The following ZEB1 variants were observed in gnomAD, a reference collection of about 807,000 sequenced individuals.
ZEB1 encodes zinc finger E-box binding homeobox 1.
ZEB1 carries 21 observed loss-of-function variants against 84.9 expected under a neutral mutation model. The observed-to-expected ratio is 0.25, with a 90% CI of 0.18 to 0.36. The LOEUF is 0.36. Among genes scored for constraint, ZEB1 ranks in the 10% least tolerant of loss-of-function variants. ZEB1 has a pLI of 1.00. For synonymous variants in ZEB1, 420 were observed against 471.1 expected (o/e 0.89, Z 1.41); for missense variants, 1,104 against 1,330.2 (o/e 0.83, Z 2.65).
chr10:31,354,448 A>G (rs1426142645), intron 1 of ZEB1, among the ~76,000 whole-genome samples: 1 of 152,128 alleles, frequency 6.6e-6, no homozygotes, highest in African/African-American at 2.4e-5. Flanking sequence ...TCTTTTTGGA[A>G]AAATAAAACA....
chr10:31,361,382 G>A (rs531081087), intron 1 of ZEB1, among the ~76,000 whole-genome samples: 1 of 152,242 alleles, frequency 6.6e-6, no homozygotes, highest in Admixed American at 6.5e-5. Context: ...CAGTAGAGAC[G>A]GAGTTTCACC....
chr10:31,411,535 T>A (rs902759289), intron 1 of ZEB1, among the ~76,000 whole-genome samples: 1 of 150,098 alleles, frequency 6.7e-6, no homozygotes, highest in Non-Finnish European at 1.5e-5. Flanking sequence ...GGGAGGCTGA[T>A]GCAGGAGAAT....
chr10:31,505,980 T>C (rs981632749), intron 4 of ZEB1, among the ~76,000 whole-genome samples: 2 of 152,056 alleles, frequency 1.3e-5, no homozygotes, highest in Non-Finnish European at 2.9e-5. Flanking sequence ...TTTAATTTCA[T>C]TTAAAGAAAT....
chr10:31,404,695 G>T (rs1460377164), intron 1 of ZEB1, among the ~76,000 whole-genome samples: 1 of 151,960 alleles, frequency 6.6e-6, no homozygotes, highest in Non-Finnish European at 1.5e-5. Flanking sequence ...TTAAACTGTG[G>T]GTTGGATCTT....
At chr10:31,448,052 A>G (rs1358492676) in intron 1 of ZEB1, among the ~76,000 whole-genome samples, 1 of 148,588 alleles carries the variant, frequency 6.7e-6, no homozygotes, top group African/African-American at 2.5e-5. Context: ...AGGTACACCA[A>G]TCAGATGTAG....
At chr10:31,452,745 GAGAGAGAGA>G (rs2060755095) in intron 1 of ZEB1, among the ~76,000 whole-genome samples, 1 of 93,046 alleles carries the variant, frequency 1.1e-5, no homozygotes, top group Admixed American at 9.2e-5. Flanking sequence ...GTGTGTGTGA[GAGAGAGAGA>G]GAGAGAGAGA....
At chr10:31,441,962 A>G (rs1437597538) in intron 1 of ZEB1, among the ~76,000 whole-genome samples, 1 of 152,200 alleles carries the variant, frequency 6.6e-6, no homozygotes, top group African/African-American at 2.4e-5. Flanking sequence ...TGTTGGTGGG[A>G]CTGTAAACTA....
In ZEB1 at chr10:31,484,234, TTAAAG is replaced by T. The variant is rs959943067; in HGVS notation, c.260-11538_260-11534del. Among the ~76,000 whole-genome samples the T allele has an allele frequency of 2.4e-4, 37 of 152,074 alleles. 1 individual carries two copies. Among genetic ancestry groups the T allele is most frequent in the Admixed American group, 2.1e-3 (32 of 15,230 alleles). On this transcript the variant is annotated intron_variant, in intron 2 of 8. Transcript: ENST00000424869. ...ACATCTGCAAAGTCCATTTCACCAT[TTAAAG>T]TAATATAGTCACAGGGTCAGAGTAC...
intron 8 of ZEB1, among the ~76,000 whole-genome samples, chr10:31,524,764 T>TATATATCAATAA (rs201371211): frequency 0.015 from 2,292 of 152,298 alleles, 43 homozygotes; most frequent in African/African-American, 0.052. Context: ...ACCAGTGGGC[T>TATATATCAATAA]AAAGTCATAG....
chr10:31,395,135 CTG>C (rs997082288), intron 1 of ZEB1, among the ~76,000 whole-genome samples: 2 of 152,142 alleles, frequency 1.3e-5, no homozygotes, highest in African/African-American at 4.8e-5. Context: ...CTTTATACAA[CTG>C]TTTTATTAAC....
chr10:31,526,808 G>T lies in ZEB1; in HGVS notation c.2922G>T (p.Gly974=), dbSNP rs1402810006. 3 of 1,614,148 alleles carry T rather than the reference G, an allele frequency of 1.9e-6. No individual in the cohort carries two copies. The highest frequency in any genetic ancestry group is 1.7e-6 in the Non-Finnish European group (2 of 1,180,024). ...GTGGAAAGCGCTTCTCACACTCTGG[G>T]TCTTATTCTCAACACATGAATCATC... ...DKCGKRFSHS[G]SYSQHMNHRY... The change falls in exon 9 of 9, where the codon GGG becomes GGT. Residue 974 remains glycine (G), a synonymous_variant. Transcript: ENST00000424869.
intron 1 of ZEB1, among the ~76,000 whole-genome samples, chr10:31,402,584 G>A (rs2052260624): frequency 1.3e-5 from 2 of 151,996 alleles, no homozygotes; most frequent in Middle Eastern, 3.2e-3. Flanking sequence ...TGTAAAATAA[G>A]TATTGAACTA....
intron 7 of ZEB1, among the ~76,000 whole-genome samples, chr10:31,522,379 T>C (rs542362018): frequency 2.0e-5 from 3 of 152,338 alleles, no homozygotes; most frequent in East Asian, 3.9e-4. Context: ...TATATACTAA[T>C]ACATCTGTTT....
intron 1 of ZEB1, among the ~76,000 whole-genome samples, chr10:31,441,575 A>C (rs2058992738): frequency 6.6e-6 from 1 of 152,214 alleles, no homozygotes; most frequent in South Asian, 2.1e-4. Flanking sequence ...ATTAAACTAA[A>C]GAGCTTCTGC....
rs2072318532 is a variant in ZEB1, at chr10:31,521,357, A to G, written c.2025A>G (p.Thr675=). 6.2e-7 allele frequency: 1 copy of G among 1,614,138 alleles called. No individual in the cohort carries two copies. The highest frequency in any genetic ancestry group is 8.5e-7 in the Non-Finnish European group (1 of 1,180,010). Residue 675 remains threonine, a synonymous_variant, in exon 7 of 9, where the codon ACA becomes ACG. Coordinates refer to ENST00000424869, the MANE Select transcript of ZEB1 (RefSeq NM_001174096.2). ...SANANEPQDS[T]VNLQSPLKMT... ...ATGCAAATGAACCCCAGGACAGCAC[A>G]GTAAATCTACAAAGTCCTTTGAAGA...
intron 2 of ZEB1, among the ~76,000 whole-genome samples, chr10:31,474,721 A>G (rs578076396): frequency 0.015 from 2,353 of 152,288 alleles, 57 homozygotes; most frequent in African/African-American, 0.053. Flanking sequence ...GTATATACCC[A>G]AAGGACTATA....
chr10:31,362,543 G>A (rs1025529816), intron 1 of ZEB1, among the ~76,000 whole-genome samples: 3 of 150,102 alleles, frequency 2.0e-5, no homozygotes, highest in East Asian at 2.0e-4. Flanking sequence ...GGGCAGAGGC[G>A]CTCCTCACTT....
At chr10:31,322,698 ATCTG>A (rs1438072554) in intron 1 of ZEB1, among the ~76,000 whole-genome samples, 1 of 151,462 alleles carries the variant, frequency 6.6e-6, no homozygotes, top group Non-Finnish European at 1.5e-5. Flanking sequence ...ATTTTAAAAA[ATCTG>A]TCTTTTTCTT....
chr10:31,444,482 C>T (rs912941157), intron 1 of ZEB1, among the ~76,000 whole-genome samples: 20 of 151,920 alleles, frequency 1.3e-4, no homozygotes, highest in Non-Finnish European at 2.1e-4. Context: ...ACATGAAGTC[C>T]TTGCCCATGC....
Sources: gnomAD v4.1 joint callset for allele counts (sites outside exome capture counted in the v4.1 genomes callset) on GRCh38, gnomAD v4.1.1 for gene constraint, MANE v1.5 for transcripts, NCBI Gene and HGNC (gene_info 2026-07-23, HGNC 2026-07-21) for gene names.